The following GFRA2 variants were observed in gnomAD, a reference collection of about 807,000 sequenced individuals.
GFRA2 encodes GDNF family receptor alpha-2.
In GFRA2, 17 loss-of-function variants were observed where a neutral mutation model predicts 48.3. The ratio of observed to expected loss-of-function variants is 0.35; its 90% CI spans 0.24 to 0.53. GFRA2 has a LOEUF of 0.53. GFRA2 is among the 20% of genes least tolerant of loss of function. The pLI, the probability that GFRA2 is intolerant of heterozygous loss-of-function variation, is 0.93. For missense variants in GFRA2, 660 were observed against 637.3 expected, an observed-to-expected ratio of 1.04 and a Z score of -0.38; for synonymous variants, 305 against 257.2, an observed-to-expected ratio of 1.19 and a Z score of -1.78.
chr8:21,696,955 A>G (rs1802211885), intron 7 of GFRA2, among the ~76,000 whole-genome samples: 1 of 130,678 alleles, frequency 7.7e-6, no homozygotes, highest in African/African-American at 2.9e-5. Context: ...GGGAGGGGAC[A>G]GAGGAAAGGG....
intron 1 of GFRA2, among the ~76,000 whole-genome samples, chr8:21,806,162 T>C (rs1807861870): frequency 6.6e-6 from 1 of 152,216 alleles, no homozygotes; most frequent in South Asian, 2.1e-4. Context: ...TTTCTCTGAA[T>C]TTCCACCACT....
At chr8:21,749,606 G>A (rs556642888) in intron 4 of GFRA2, among the ~76,000 whole-genome samples, 1 of 152,184 alleles carries the variant, frequency 6.6e-6, no homozygotes, top group Admixed American at 6.5e-5. Flanking sequence ...TTTCCTGATA[G>A]CCACGTGACC....
intron 4 of GFRA2, among the ~76,000 whole-genome samples, chr8:21,746,338 T>C (rs1038998833): frequency 6.6e-6 from 1 of 152,156 alleles, no homozygotes; most frequent in African/African-American, 2.4e-5. Context: ...TGCCAGACTC[T>C]TCCTAATGCA....
At chr8:21,698,576 G>A (rs1728623426) in intron 7 of GFRA2, among the ~76,000 whole-genome samples, 3 of 152,110 alleles carry the variant, frequency 2.0e-5, no homozygotes, top group Non-Finnish European at 4.4e-5. Flanking sequence ...CCCTGGCCCC[G>A]CCCCTAAATC....
chr8:21,702,771 G>A (rs376782514), intron 7 of GFRA2, 34 bp downstream of exon 7: 3 of 1,543,644 alleles, frequency 1.9e-6, no homozygotes, highest in African/African-American at 2.8e-5. Flanking sequence ...CGGTGCCATG[G>A]TGCTCCCCCC....
At position 21,692,776 on chromosome 8, in the gene GFRA2, G is replaced by C. The variant is rs1314183224; in HGVS notation, c.*502C>G. On this transcript the variant is annotated 3_prime_UTR_variant, in exon 9 of 9. Transcript: ENST00000524240. ...GGAGGGCAAAACCATCTCCATCCTT[G>C]AAGCCAAAGGGCTGAAGGTGGACCC... The C allele has an allele frequency of 6.6e-6, 1 of 152,492 alleles. No homozygotes were observed. Among genetic ancestry groups the C allele is most frequent in the East Asian group, 1.9e-4 (1 of 5,198 alleles). 9.4% of individuals were successfully genotyped at this position (152,492 alleles called of 1,614,324 possible).
Position 21,713,311 on chromosome 8 carries a change from G to A in GFRA2, c.795-7270C>T, listed in dbSNP as rs573004679. On this transcript the variant is annotated intron_variant, in intron 4 of 8. Transcript: ENST00000524240. ...ATTTCAAGTGATTCTCAGCACCCCC[G>A]CCCCACCCACCGTAGCTGGGATTAC... is the stretch of plus-strand genomic sequence containing the variant. 4.0e-5 allele frequency among the ~76,000 whole-genome samples: 6 copies of A among 151,468 alleles called. No homozygotes were observed. In the South Asian group the frequency reaches 8.4e-4, roughly 21 times the overall value.
rs555698224 is a variant in GFRA2, at chr8:21,710,024, C to T, written c.795-3983G>A. Reference sequence around the variant, plus strand: ...GCCAGGAAACAGAAGGTGAAAGCATCCAGACCCAGGTGGGGCTGGCCAGAG... The same window carrying T: ...GCCAGGAAACAGAAGGTGAAAGCATTCAGACCCAGGTGGGGCTGGCCAGAG... On this transcript the variant is annotated intron_variant, in intron 4 of 8. Coordinates refer to ENST00000524240, the MANE Select transcript of GFRA2 (RefSeq NM_001495.5). Among the ~76,000 whole-genome samples, 8 of 152,292 alleles carry T rather than the reference C, an allele frequency of 5.3e-5. No individual in the cohort carries two copies. The South Asian group carries it at 1.7e-3, about 32-fold the overall frequency.
intron 3 of GFRA2, among the ~76,000 whole-genome samples, chr8:21,768,473 A>G (rs1157400248): frequency 6.6e-6 from 1 of 152,172 alleles, no homozygotes; most frequent in Non-Finnish European, 1.5e-5. Context: ...GAGAGGCACC[A>G]GCCCGACCTG....
intron 3 of GFRA2, among the ~76,000 whole-genome samples, chr8:21,754,615 T>C (rs1277426462): frequency 6.6e-6 from 1 of 151,634 alleles, no homozygotes; most frequent in Non-Finnish European, 1.5e-5. Flanking sequence ...TTCAAGAGAT[T>C]CTCCTGCTTC....
chr8:21,730,607 C>A (rs1028447382), intron 4 of GFRA2, among the ~76,000 whole-genome samples: 2 of 152,150 alleles, frequency 1.3e-5, no homozygotes, highest in Non-Finnish European at 2.9e-5. Context: ...GCCTCTCCAG[C>A]ACCATCGCCC....
chr8:21,756,535 G>A (rs1181165343), intron 3 of GFRA2, among the ~76,000 whole-genome samples: 1 of 152,186 alleles, frequency 6.6e-6, no homozygotes, highest in Non-Finnish European at 1.5e-5. Context: ...ACTGCCATCT[G>A]CAGCAGAAAA....
intron 4 of GFRA2, among the ~76,000 whole-genome samples, chr8:21,710,658 A>G (rs1178797096): frequency 6.6e-6 from 1 of 151,798 alleles, no homozygotes; most frequent in Non-Finnish European, 1.5e-5. Flanking sequence ...GCACCCCCTC[A>G]CTCCTCTGAG....
intron 1 of GFRA2, chr8:21,784,369 C>T (rs1807162761): frequency 2.2e-6 from 1 of 455,984 alleles, no homozygotes; most frequent in South Asian, 1.5e-5. Context: ...GGGAGGCTTC[C>T]TCGACTCCAT....
chr8:21,793,278 C>G (rs1585349780), upstream of GFRA2, among the ~76,000 whole-genome samples: 1 of 152,100 alleles, frequency 6.6e-6, no homozygotes, highest in South Asian at 2.1e-4. Context: ...GAAGATTGAT[C>G]TGATGACTGT....
chr8:21,809,247 T>G (rs1807931837), intron 1 of GFRA2, among the ~76,000 whole-genome samples: 1 of 152,210 alleles, frequency 6.6e-6, no homozygotes, highest in Non-Finnish European at 1.5e-5. Flanking sequence ...AGAGCCCTTC[T>G]AAGGGCAGGA....
intron 3 of GFRA2, among the ~76,000 whole-genome samples, chr8:21,753,353 AT>A (rs1805391358): frequency 6.6e-6 from 1 of 152,236 alleles, no homozygotes; most frequent in Non-Finnish European, 1.5e-5. Flanking sequence ...CACGCCTGTA[AT>A]CCCAGCACTT....
At chr8:21,804,534 G>T (rs1192667895) in intron 2 of GFRA2, among the ~76,000 whole-genome samples, 1 of 151,924 alleles carries the variant, frequency 6.6e-6, no homozygotes, top group African/African-American at 2.4e-5. Flanking sequence ...AAATAGGACA[G>T]ATGCCTTACT....
chr8:21,724,127 T>C (rs1033676450), intron 4 of GFRA2, among the ~76,000 whole-genome samples: 27 of 152,086 alleles, frequency 1.8e-4, no homozygotes, highest in Admixed American at 1.7e-3. Context: ...GATGACTACC[T>C]CTGACCCCAG....
Sources: allele counts gnomAD v4.1 joint callset (sites outside exome capture counted in the v4.1 genomes callset), GRCh38; gene constraint gnomAD v4.1.1; transcripts MANE v1.5; gene names NCBI Gene and HGNC (gene_info 2026-07-23, HGNC 2026-07-21).